RANBP9: variants seen among roughly 807,000 people sequenced by gnomAD.
The protein encoded by RANBP9 is ran-binding protein 9.
A neutral mutation model predicts 84.3 loss-of-function variants in RANBP9; 15 were observed. The ratio of observed to expected loss-of-function variants is 0.18; its 90% CI spans 0.12 to 0.27. RANBP9 has a LOEUF of 0.27. Ranked by LOEUF, RANBP9 falls within the 10% of genes least tolerant of loss-of-function variation. RANBP9 has a pLI of 1.00. For synonymous variants in RANBP9, 392 were observed against 349.6 expected, an observed-to-expected ratio of 1.12 and a Z score of -1.35; for missense variants, 809 against 912.8, an observed-to-expected ratio of 0.89 and a Z score of 1.46.
chr6:13,656,792 G>C (rs568382483), intron 4 of RANBP9, among the ~76,000 whole-genome samples: 25 of 152,272 alleles, frequency 1.6e-4, no homozygotes, highest in African/African-American at 6.0e-4. Context: ...CAGAGAATTA[G>C]ATTATACTGT....
chr6:13,649,639 A>C (rs566931425), intron 5 of RANBP9, among the ~76,000 whole-genome samples: 40 of 152,024 alleles, frequency 2.6e-4, no homozygotes, highest in African/African-American at 9.4e-4. Flanking sequence ...CCTCAATTAC[A>C]CATCTGTCTA....
intron 2 of RANBP9, among the ~76,000 whole-genome samples, chr6:13,672,107 G>C (rs1765790900): frequency 6.6e-6 from 1 of 152,160 alleles, no homozygotes; most frequent in Admixed American, 6.5e-5. Context: ...TCTTAAGGAA[G>C]AATATAGGTG....
intron 2 of RANBP9, among the ~76,000 whole-genome samples, chr6:13,674,075 C>T (rs1004418469): frequency 8.0e-5 from 12 of 149,146 alleles, no homozygotes; most frequent in South Asian, 6.3e-4. Flanking sequence ...CAGAGGGAGA[C>T]CTTGTCTCAA....
chr6:13,686,413 G>A (rs1191583495), intron 2 of RANBP9, among the ~76,000 whole-genome samples: 1 of 151,780 alleles, frequency 6.6e-6, no homozygotes, highest in Non-Finnish European at 1.5e-5. Flanking sequence ...AGCCTCCCAA[G>A]TAACTGGGTA....
intron 2 of RANBP9, among the ~76,000 whole-genome samples, chr6:13,696,019 A>C (rs988331506): frequency 6.6e-6 from 1 of 151,232 alleles, no homozygotes; most frequent in African/African-American, 2.5e-5. Context: ...GATATGCAAT[A>C]AAGTTATCAG....
chr6:13,687,764 C>A (rs1350690684), intron 2 of RANBP9, among the ~76,000 whole-genome samples: 1 of 152,206 alleles, frequency 6.6e-6, no homozygotes, highest in Non-Finnish European at 1.5e-5. Context: ...CCCAACTGAT[C>A]TCTAGAAGTC....
intron 11 of RANBP9, among the ~76,000 whole-genome samples, chr6:13,633,453 C>T (rs1451485644): frequency 6.6e-6 from 1 of 152,212 alleles, no homozygotes. Context: ...GCACTTTGTG[C>T]TATTAGCTTT....
At chr6:13,682,148 C>T (rs1562316549) in intron 2 of RANBP9, among the ~76,000 whole-genome samples, 1 of 152,100 alleles carries the variant, frequency 6.6e-6, no homozygotes, top group African/African-American at 2.4e-5. Flanking sequence ...AGGCGTGAGC[C>T]ACCGCACCTG....
chr6:13,671,982 T>C (rs944913383), intron 2 of RANBP9, among the ~76,000 whole-genome samples: 1 of 152,104 alleles, frequency 6.6e-6, no homozygotes, highest in African/African-American at 2.4e-5. Flanking sequence ...AATATAGACA[T>C]ATGGAGCTAT....
intron 2 of RANBP9, among the ~76,000 whole-genome samples, chr6:13,680,618 T>G (rs1303004846): frequency 6.6e-6 from 1 of 151,936 alleles, no homozygotes; most frequent in African/African-American, 2.4e-5. Flanking sequence ...TAGCTGAGCA[T>G]AGTGGTGCGC....
At chr6:13,701,471 TATC>T (rs1561696056) in intron 1 of RANBP9, among the ~76,000 whole-genome samples, 1 of 152,124 alleles carries the variant, frequency 6.6e-6, no homozygotes. Flanking sequence ...CCTCACCTCT[TATC>T]AAGAAAACAG....
chr6:13,628,126 GTT>G (rs1164258715), intron 12 of RANBP9, among the ~76,000 whole-genome samples: 460 of 152,288 alleles, frequency 3.0e-3, no homozygotes, highest in African/African-American at 0.01. Flanking sequence ...ATCATCTAAA[GTT>G]GTTATCATGT....
chr6:13,700,948 C>T (rs1478977600), intron 1 of RANBP9, among the ~76,000 whole-genome samples: 4 of 152,152 alleles, frequency 2.6e-5, no homozygotes, highest in Non-Finnish European at 5.9e-5. Context: ...TTGTGGAAAA[C>T]ATGGTTTTCC....
At chr6:13,684,003 G>A (rs1380855271) in intron 2 of RANBP9, among the ~76,000 whole-genome samples, 2 of 151,980 alleles carry the variant, frequency 1.3e-5, no homozygotes, top group African/African-American at 4.8e-5. Context: ...ATGGTTTTTA[G>A]AACATATCCA....
intron 1 of RANBP9, among the ~76,000 whole-genome samples, chr6:13,706,510 T>A (rs1474127217): frequency 1.3e-5 from 2 of 148,504 alleles, no homozygotes; most frequent in African/African-American, 2.5e-5. Flanking sequence ...CTGGCCAACA[T>A]GTTGAAACCT....
intron 1 of RANBP9, among the ~76,000 whole-genome samples, chr6:13,704,614 G>A (rs1394704601): frequency 2.0e-5 from 3 of 151,380 alleles, no homozygotes; most frequent in Non-Finnish European, 4.4e-5. Flanking sequence ...CTGGACAATG[G>A]AGTCAGACCC....
intron 1 of RANBP9, among the ~76,000 whole-genome samples, chr6:13,699,644 T>A (rs1428503869): frequency 1.3e-5 from 2 of 152,040 alleles, no homozygotes; most frequent in Non-Finnish European, 2.9e-5. Flanking sequence ...GGGCGATCAC[T>A]TGAGGTCAGG....
chr6:13,684,612 T>G (rs1393616530), intron 2 of RANBP9, among the ~76,000 whole-genome samples: 1 of 152,218 alleles, frequency 6.6e-6, no homozygotes, highest in Non-Finnish European at 1.5e-5. Context: ...AATCTCACAG[T>G]TCCTCAATAC....
At chr6:13,634,103 T>C (rs2127762500) in intron 11 of RANBP9, among the ~76,000 whole-genome samples, 1 of 152,324 alleles carries the variant, frequency 6.6e-6, no homozygotes, top group Middle Eastern at 3.4e-3. Flanking sequence ...CTGACTATAC[T>C]GACATAAATA....
Sources: gnomAD v4.1 joint callset for allele counts (sites outside exome capture counted in the v4.1 genomes callset) on GRCh38, gnomAD v4.1.1 for gene constraint, MANE v1.5 for transcripts, NCBI Gene and HGNC (gene_info 2026-07-23, HGNC 2026-07-21) for gene names.